SLC23A2: variants seen among roughly 807,000 people sequenced by gnomAD.
The protein encoded by SLC23A2 is solute carrier family 23 member 2, also known as Na(+)/L-ascorbic acid transporter 2.
SLC23A2 carries 36 observed loss-of-function variants against 73.3 expected under a neutral mutation model. The observed-to-expected ratio is 0.49, with a 90% CI of 0.38 to 0.65. SLC23A2 has a LOEUF of 0.65. SLC23A2 is among the 30% of genes least tolerant of loss of function. The probability of loss-of-function intolerance (pLI) is 0.00; values close to 1 mark genes in which losing one functional copy is unlikely to be tolerated. For synonymous variants in SLC23A2, 343 were observed against 327.3 expected, an observed-to-expected ratio of 1.05 and a Z score of -0.52; for missense variants, 507 against 841.6, an observed-to-expected ratio of 0.60 and a Z score of 4.92.
chr20:4,867,730 G>A (rs1930263130), intron 13 of SLC23A2, 40 bp downstream of exon 13: 2 of 1,203,566 alleles, frequency 1.7e-6, no homozygotes, highest in Non-Finnish European at 2.5e-6. Context: ...ATGGACCAAT[G>A]CTTAGAAACC....
chr20:4,984,715 C>A (rs964781227), intron 1 of SLC23A2, among the ~76,000 whole-genome samples: 22 of 152,098 alleles, frequency 1.4e-4, no homozygotes, highest in Non-Finnish European at 2.5e-4. Context: ...CCACTGCACA[C>A]CCATTAGGAT....
intron 2 of SLC23A2, among the ~76,000 whole-genome samples, chr20:4,952,721 A>G (rs1299815256): frequency 6.6e-6 from 1 of 152,234 alleles, no homozygotes; most frequent in East Asian, 1.9e-4. Flanking sequence ...AACATATGCT[A>G]TATAAGAAAT....
At chr20:4,944,365 A>G (rs949051984) in intron 2 of SLC23A2, among the ~76,000 whole-genome samples, 4 of 152,056 alleles carry the variant, frequency 2.6e-5, no homozygotes, top group African/African-American at 9.7e-5. Flanking sequence ...CAGCCTCCCA[A>G]GCAGCTGGGA....
chr20:4,982,338 C>T (rs1168072181), intron 1 of SLC23A2, among the ~76,000 whole-genome samples: 1 of 152,176 alleles, frequency 6.6e-6, no homozygotes, highest in East Asian at 1.9e-4. Context: ...GTAGACTAGA[C>T]TAGGCTGGAA....
rs73601315 is a variant in SLC23A2, at chr20:4,989,931, C to G, written c.-282+11475G>C. On this transcript the variant is annotated intron_variant, in intron 1 of 16. Transcript: ENST00000338244. ...CTATTACATTTTCCTCACGGACACA[C>G]CAAAGGACTCCACTTCCCAGCCCCC... Among the ~76,000 whole-genome samples the G allele has an allele frequency of 8.6e-3, 1,311 of 152,208 alleles. 21 individuals are homozygous for G. Among genetic ancestry groups the G allele is most frequent in the African/African-American group, 0.028 (1,182 of 41,518 alleles).
intron 9 of SLC23A2, among the ~76,000 whole-genome samples, chr20:4,881,335 C>T (rs1018973049): frequency 2.4e-4 from 36 of 152,048 alleles, no homozygotes; most frequent in African/African-American, 7.5e-4. Context: ...CAAAGAAATG[C>T]GATTTCCTTG....
chr20:4,941,981 GT>G (rs2087049450), intron 2 of SLC23A2, among the ~76,000 whole-genome samples: 1 of 152,016 alleles, frequency 6.6e-6, no homozygotes, highest in African/African-American at 2.4e-5. Context: ...TTATTTTCCT[GT>G]TTTTACTCCT....
At chr20:4,911,984 A>C (rs1416123627) in intron 4 of SLC23A2, among the ~76,000 whole-genome samples, 3 of 150,612 alleles carry the variant, frequency 2.0e-5, no homozygotes, top group Admixed American at 2.0e-4. Flanking sequence ...CTATAGGCAC[A>C]CATCACCACA....
chr20:4,990,422 T>C lies in SLC23A2; in HGVS notation c.-282+10984A>G, dbSNP rs186706123. On this transcript the variant is annotated intron_variant, in intron 1 of 16. Transcript: ENST00000338244. Reference sequence around the variant, plus strand: ...TCTCACTCAGTGGCCTGGGCTGAAATGCAGTGGCGCGATCTCGACTCACTG... The same window carrying C: ...TCTCACTCAGTGGCCTGGGCTGAAACGCAGTGGCGCGATCTCGACTCACTG... Among the ~76,000 whole-genome samples, 293 of 152,084 alleles carry C rather than the reference T, an allele frequency of 1.9e-3. 1 individual carries two copies. Among genetic ancestry groups the C allele is most frequent in the African/African-American group, 6.8e-3 (283 of 41,526 alleles).
At position 4,899,481 on chromosome 20, in the gene SLC23A2, G is replaced by T; in HGVS notation, c.482+74C>A. 1 of 1,507,240 alleles carries T rather than the reference G, an allele frequency of 6.6e-7. No individual in the cohort carries two copies. Among genetic ancestry groups the T allele is most frequent in the Non-Finnish European group, 9.2e-7 (1 of 1,090,880 alleles). 93.4% of individuals were successfully genotyped at this position (1,507,240 alleles called of 1,614,324 possible). A position where few individuals can be genotyped will look rare whatever the true frequency, so the allele number is the denominator to read the frequency against. On this transcript the variant is annotated intron_variant, in intron 6 of 16. Transcript: ENST00000338244. This position sits in a 1 kb window ranked among gnomAD's most constrained non-coding sequence, Gnocchi z 4.9. ...TCCTTGCCAACAGCCCTAGGCAAAC[G>T]GCGCAGCTCAATGCCTTCTGCGCTC... is the stretch of plus-strand genomic sequence containing the variant.
chr20:4,922,499 T>C lies in SLC23A2; in HGVS notation c.109-9521A>G, dbSNP rs536611816. Among the ~76,000 whole-genome samples, 2 of 152,292 alleles carry C rather than the reference T, an allele frequency of 1.3e-5. 1 individual carries two copies. The highest frequency in any genetic ancestry group is 4.1e-4 in the South Asian group (2 of 4,830). ...AAGAGGTCCTCTAAGGCCTTTTCCA[T>C]GACCAAGATTCCATAAACCTGACCT... On this transcript the variant is annotated intron_variant, in intron 3 of 16. Coordinates refer to ENST00000338244, the MANE Select transcript of SLC23A2 (RefSeq NM_005116.6).
Position 4,861,933 on chromosome 20 carries a change from A to AG in SLC23A2, c.1624+14dup. ...TTCCAGCTCCCACTCCAAGATGTAA[A>AG]GCCCATTTCCTCACCTGTGACCAGA... On this transcript the variant is annotated intron_variant, in intron 15 of 16. Coordinates refer to ENST00000338244, the MANE Select transcript of SLC23A2 (RefSeq NM_005116.6). 6.2e-7 allele frequency: 1 copy of AG among 1,613,186 alleles called. No individual in the cohort carries two copies. Among genetic ancestry groups the AG allele is most frequent in the African/African-American group, 1.3e-5 (1 of 74,940 alleles).
chr20:4,862,607 T>A lies in SLC23A2; in HGVS notation c.1486+171A>T, dbSNP rs1930012911. ...CTTATTGTTGGTTCCATATTTAATA[T>A]AAATTCAACTCAGAGAGTGATAAAA... is the stretch of plus-strand genomic sequence containing the variant. On this transcript the variant is annotated intron_variant, in intron 14 of 16. Coordinates refer to ENST00000338244, the MANE Select transcript of SLC23A2 (RefSeq NM_005116.6). The surrounding 1 kb of genome is among the most constrained non-coding windows in gnomAD (Gnocchi z 5.1). Among the ~76,000 whole-genome samples the A allele has an allele frequency of 6.6e-6, 1 of 152,238 alleles. No homozygotes were observed. Among genetic ancestry groups the A allele is most frequent in the African/African-American group, 2.4e-5 (1 of 41,476 alleles).
chr20:4,873,815 A>G (rs965173133), intron 11 of SLC23A2, 121 bp downstream of exon 11: 2 of 979,732 alleles, frequency 2.0e-6, no homozygotes, highest in Non-Finnish European at 3.0e-6. Flanking sequence ...TCCTCTCCTG[A>G]CCAGAATGGC....
intron 2 of SLC23A2, among the ~76,000 whole-genome samples, chr20:4,952,052 G>A (rs1776950): frequency 0.16 from 21,243 of 129,356 alleles, 2,551 homozygotes; most frequent in African/African-American, 0.36. Context: ...TGCAGTGAGC[G>A]AAGATTGCAC....
intron 2 of SLC23A2, among the ~76,000 whole-genome samples, chr20:4,961,828 A>T (rs6139587): frequency 0.4 from 61,382 of 152,066 alleles, 12,671 homozygotes; most frequent in Admixed American, 0.48. Flanking sequence ...TCTCTAACTA[A>T]GCCACAGGGA....
Position 4,899,315 on chromosome 20 carries a change from G to A in SLC23A2, c.482+240C>T, listed in dbSNP as rs1931659465. Among the ~76,000 whole-genome samples, 1 of 152,160 alleles carries A rather than the reference G, an allele frequency of 6.6e-6. No homozygotes were observed. ...ACTTGCCAAGGGGGCAGGGGAAGGA[G>A]AGTGAGGCTGAGTTTCCAGCTTGGA... On this transcript the variant is annotated intron_variant, in intron 6 of 16. Transcript: ENST00000338244. This position sits in a 1 kb window ranked among gnomAD's most constrained non-coding sequence, Gnocchi z 4.9.
At chr20:4,893,971 CA>C (rs1230036289) in intron 6 of SLC23A2, among the ~76,000 whole-genome samples, 3 of 152,066 alleles carry the variant, frequency 2.0e-5, no homozygotes, top group African/African-American at 7.2e-5. Flanking sequence ...CACCAAGGGT[CA>C]GGGGTGGGAA....
In SLC23A2 at chr20:4,862,123, A is replaced by G. The variant is rs772213718; in HGVS notation, c.1487-38T>C. The G allele has an allele frequency of 2.5e-6, 4 of 1,610,362 alleles. No homozygotes were observed. In the Admixed American group the frequency reaches 5.0e-5, roughly 20 times the overall value. On this transcript the variant is annotated intron_variant, in intron 14 of 16. Transcript: ENST00000338244. The surrounding 1 kb of genome is among the most constrained non-coding windows in gnomAD (Gnocchi z 5.1). ...AAACCAGACCACAAGCTCCAGCACC[A>G]CTACAGCGGGGACAGCTCAAGGCAG...
Sources: gnomAD v4.1 joint callset for allele counts (sites outside exome capture counted in the v4.1 genomes callset) on GRCh38, gnomAD v4.1.1 for gene constraint, Gnocchi (gnomAD v3.1) non-coding constraint, MANE v1.5 for transcripts, NCBI Gene and HGNC (gene_info 2026-07-23, HGNC 2026-07-21) for gene names.